MAP3K9: variants seen among roughly 807,000 people sequenced by gnomAD.
MAP3K9 encodes mixed lineage kinase 1 (tyr and ser/thr specificity).
A neutral mutation model predicts 95.8 loss-of-function variants in MAP3K9; 46 were observed. The ratio of observed to expected loss-of-function variants is 0.48; its 90% CI spans 0.38 to 0.61. The LOEUF (loss-of-function observed/expected upper bound fraction) is 0.61, where lower values mean the gene tolerates loss of function less well. Among genes scored for constraint, MAP3K9 ranks in the 20% least tolerant of loss-of-function variants. The probability of loss-of-function intolerance (pLI) is 0.00; values close to 1 mark genes in which losing one functional copy is unlikely to be tolerated. For missense variants in MAP3K9, 1,296 were observed against 1,474.3 expected (o/e 0.88, Z 1.98); for synonymous variants, 533 against 593.8 (o/e 0.90, Z 1.49).
At chr14:70,758,085 A>G (rs1236650249) in intron 3 of MAP3K9, among the ~76,000 whole-genome samples, 1 of 152,224 alleles carries the variant, frequency 6.6e-6, no homozygotes, top group East Asian at 1.9e-4. Flanking sequence ...GTTTCAAAGA[A>G]CAGCCTTAAG....
chr14:70,754,166 T>A, intron 3 of MAP3K9, among the ~76,000 whole-genome samples: 1 of 152,332 alleles, frequency 6.6e-6, no homozygotes, highest in African/African-American at 2.4e-5. Flanking sequence ...CTTCTTCTTA[T>A]TAACTGAACC....
chr14:70,738,204 A>G, intron 8 of MAP3K9, 41 bp downstream of exon 8: 7 of 1,573,140 alleles, frequency 4.4e-6, no homozygotes, highest in Non-Finnish European at 6.0e-6. Context: ...TGGTACATCC[A>G]TCTTCAAGAG....
intron 1 of MAP3K9, among the ~76,000 whole-genome samples, chr14:70,805,165 C>T (rs1453188320): frequency 2.0e-5 from 3 of 152,172 alleles, no homozygotes; most frequent in African/African-American, 4.8e-5. Context: ...ATGTTATTCC[C>T]TCTCAATCGT....
intron 2 of MAP3K9, among the ~76,000 whole-genome samples, chr14:70,761,879 C>G (rs2054380455): frequency 6.6e-6 from 1 of 152,110 alleles, no homozygotes; most frequent in Non-Finnish European, 1.5e-5. Flanking sequence ...TTCACCACCC[C>G]AAAAGGAAAC....
Position 70,732,683 on chromosome 14 carries a change from G to T in MAP3K9, c.2686C>A (p.Leu896Met), listed in dbSNP as rs746355381. 6.2e-7 allele frequency: 1 copy of T among 1,603,166 alleles called. No individual in the cohort carries two copies. Among genetic ancestry groups the T allele is most frequent in the Non-Finnish European group, 8.5e-7 (1 of 1,173,234 alleles). ...GTGAGGGTGACATGGGTGGGAGTCA[G>T]AGATTGGTTAGGATCTCGTTTGAAG... is the stretch of plus-strand genomic sequence containing the variant. The part of the protein sequence containing the change: ...ERFKRDPNQS[L>M]TPTHVTLTTP... Residue 896 changes from leucine to methionine, a missense_variant, in exon 11 of 12, where the codon CTG becomes ATG. Leu to Met is a conservative substitution (Grantham distance 15, BLOSUM62 2). This residue lies in a region of MAP3K9 where 433 missense variants were observed against 441.4 expected (regional missense o/e 0.98). Coordinates refer to ENST00000554752, the MANE Select transcript of MAP3K9 (RefSeq NM_001284230.2).
At chr14:70,766,455 T>C (rs376731806) in intron 2 of MAP3K9, among the ~76,000 whole-genome samples, 3 of 152,312 alleles carry the variant, frequency 2.0e-5, no homozygotes, top group East Asian at 1.9e-4. Flanking sequence ...GGGACTGATA[T>C]GGAAGGCCTG....
chr14:70,794,671 CTTTTCTT>C (rs1285781904), intron 2 of MAP3K9, among the ~76,000 whole-genome samples: 1 of 147,770 alleles, frequency 6.8e-6, no homozygotes, highest in Non-Finnish European at 1.5e-5. Flanking sequence ...TTTTCTTTTT[CTTTTCTT>C]TTTTCTTTTT....
At chr14:70,774,757 C>T (rs901790406) in intron 2 of MAP3K9, among the ~76,000 whole-genome samples, 1 of 151,870 alleles carries the variant, frequency 6.6e-6, no homozygotes, top group African/African-American at 2.4e-5. Flanking sequence ...GAGGCCGAGG[C>T]AGGTGGATCA....
Position 70,733,340 on chromosome 14 carries a change from C to T in MAP3K9, c.2029G>A (p.Asp677Asn), listed in dbSNP as rs764793311. Residue 677 changes from aspartate to asparagine, a missense_variant and splice_region_variant, in exon 11 of 12, where the codon GAT becomes AAT. Physicochemically the swap from Asp to Asn is conservative, Grantham distance 23 (BLOSUM62 1). Around this residue, in one of 5 missense-constraint regions of MAP3K9, gnomAD observed 377 missense variants for 417.1 expected, o/e 0.90. Transcript: ENST00000554752. ...PGFTSLMEME[D>N]EDSEGPGSGE... ...CTCCCTGGGCCTTCACTGTCCTCAT[C>T]CTCTGTGAAGATGACAAGAGTGGAA... 7.8e-7 allele frequency: 1 copy of T among 1,278,154 alleles called. No homozygotes were observed. Among genetic ancestry groups the T allele is most frequent in the East Asian group, 2.3e-5 (1 of 42,676 alleles). 79.2% of individuals were successfully genotyped at this position (1,278,154 alleles called of 1,614,324 possible).
At position 70,789,388 on chromosome 14, in the gene MAP3K9, T is replaced by C. The variant is rs149248490; in HGVS notation, c.820+11279A>G. On this transcript the variant is annotated intron_variant, in intron 2 of 11. Transcript: ENST00000554752. ...AAAAGGGAAATTCAGCCATATCCTGTGTGCAACTAAAATAACAAGGAATGG... is the reference window on the plus strand; with the variant it reads ...AAAAGGGAAATTCAGCCATATCCTGCGTGCAACTAAAATAACAAGGAATGG... Among the ~76,000 whole-genome samples the C allele has an allele frequency of 2.7e-4, 41 of 152,326 alleles. No individual in the cohort carries two copies. In the East Asian group the frequency reaches 7.5e-3, roughly 28 times the overall value.
chr14:70,738,529 T>C (rs924566383), intron 7 of MAP3K9, 131 bp from the exon 8 acceptor site: 3 of 737,606 alleles, frequency 4.1e-6, no homozygotes, highest in African/African-American at 1.8e-5. Flanking sequence ...AAAAACTCTG[T>C]GCCCAAGTGG....
intron 2 of MAP3K9, among the ~76,000 whole-genome samples, chr14:70,775,839 T>C (rs2054590477): frequency 6.6e-6 from 1 of 152,182 alleles, no homozygotes; most frequent in East Asian, 1.9e-4. Flanking sequence ...TTCATATCCT[T>C]CTAGGGAAGG....
rs796269927 is a variant in MAP3K9 at position 70,727,985 on chromosome 14, A to T, written c.*2395T>A. The T allele has an allele frequency of 3.3e-5, 5 of 152,346 alleles. No homozygotes were observed. Among genetic ancestry groups the T allele is most frequent in the African/African-American group, 1.2e-4 (5 of 41,568 alleles). The allele number at this position is 152,346 out of a possible 1,614,324, so 9.4% of individuals were successfully genotyped here. ...AAATCTCTGCTTCATACCACAGAGC[A>T]CTGTGTATAGGCAGCATGGTTTGGA... On this transcript the variant is annotated 3_prime_UTR_variant, in exon 12 of 12. Coordinates refer to ENST00000554752, the MANE Select transcript of MAP3K9 (RefSeq NM_001284230.2).
intron 5 of MAP3K9, among the ~76,000 whole-genome samples, chr14:70,743,162 T>C (rs2054099781): frequency 6.6e-6 from 1 of 151,970 alleles, no homozygotes; most frequent in Admixed American, 6.6e-5. Context: ...AATTTTTTTG[T>C]ATTTTAGTAG....
chr14:70,758,115 C>T (rs2139773760), intron 3 of MAP3K9, among the ~76,000 whole-genome samples: 1 of 151,944 alleles, frequency 6.6e-6, no homozygotes, highest in Non-Finnish European at 1.5e-5. Context: ...AAACAATCTA[C>T]AGAATGGAAA....
At chr14:70,791,004 T>C (rs1293064037) in intron 2 of MAP3K9, among the ~76,000 whole-genome samples, 1 of 152,212 alleles carries the variant, frequency 6.6e-6, no homozygotes, top group Non-Finnish European at 1.5e-5. Flanking sequence ...ATCTTGAACC[T>C]GAACAATGAC....
At chr14:70,788,941 T>C (rs2054777351) in intron 2 of MAP3K9, among the ~76,000 whole-genome samples, 1 of 152,080 alleles carries the variant, frequency 6.6e-6, no homozygotes, top group Non-Finnish European at 1.5e-5. Context: ...TAAGTTGACA[T>C]AGGGAGGCCA....
Position 70,733,097 on chromosome 14 carries a change from C to T in MAP3K9, c.2272G>A (p.Ala758Thr), listed in dbSNP as rs773137594. The T allele has an allele frequency of 6.2e-7, 1 of 1,614,090 alleles. No homozygotes were observed. The highest frequency in any genetic ancestry group is 8.5e-7 in the Non-Finnish European group (1 of 1,180,032). The part of the protein sequence containing the change: ...RCEVALLGCG[A>T]VLAATGLGFD... ...CCTAGGCCTGTGGCTGCCAGAACAG[C>T]CCCACAGCCGAGCAGAGCCACCTCG... Residue 758 changes from alanine (A) to threonine (T), a missense_variant, in exon 11 of 12, where the codon GCT (alanine) becomes ACT (threonine). By Grantham distance (58) the Ala-to-Thr change is moderately conservative. Around this residue, in one of 5 missense-constraint regions of MAP3K9, gnomAD observed 12 missense variants for 30.9 expected, o/e 0.39. Coordinates refer to ENST00000554752, the MANE Select transcript of MAP3K9 (RefSeq NM_001284230.2).
At chr14:70,731,444 C>CA in intron 11 of MAP3K9, among the ~76,000 whole-genome samples, 1 of 150,750 alleles carries the variant, frequency 6.6e-6, no homozygotes, top group East Asian at 1.9e-4. Flanking sequence ...AACTTTGTCT[C>CA]AAAAAAAAGA....
Sources: allele counts gnomAD v4.1 joint callset (sites outside exome capture counted in the v4.1 genomes callset), GRCh38; gene constraint gnomAD v4.1.1; regional missense constraint gnomAD v4.1.1; transcripts MANE v1.5; gene names NCBI Gene and HGNC (gene_info 2026-07-23, HGNC 2026-07-21).